Variants in DNAI7 observed in about 807,000 individuals in gnomAD.
The protein encoded by DNAI7 is cancer susceptibility 1.
A neutral mutation model predicts 86.6 loss-of-function variants in DNAI7; 78 were observed. The ratio of observed to expected loss-of-function variants is 0.90; its 90% CI spans 0.75 to 1.09. DNAI7 has a LOEUF of 1.09. Ranked by LOEUF, DNAI7 falls within the 50% of genes least tolerant of loss-of-function variation. DNAI7 has a pLI of 0.00. For missense variants in DNAI7, 753 were observed against 810.2 expected, an observed-to-expected ratio of 0.93 and a Z score of 0.86; for synonymous variants, 274 against 273.0, an observed-to-expected ratio of 1.00 and a Z score of -0.04.
chr12:25,137,636 T>C (rs1943696680), intron 9 of DNAI7, among the ~76,000 whole-genome samples: 1 of 152,160 alleles, frequency 6.6e-6, no homozygotes, highest in Non-Finnish European at 1.5e-5. Flanking sequence ...AAGAACCTGT[T>C]GTCTCCAAGA....
chr12:25,182,953 G>C (rs1949680245), intron 2 of DNAI7, among the ~76,000 whole-genome samples: 1 of 149,190 alleles, frequency 6.7e-6, no homozygotes, highest in African/African-American at 2.5e-5. Context: ...AAGGGAGGAA[G>C]GGAGGAAGGG....
chr12:25,114,233 T>G (rs571344521), intron 13 of DNAI7, among the ~76,000 whole-genome samples: 2 of 152,262 alleles, frequency 1.3e-5, no homozygotes, highest in South Asian at 4.1e-4. Context: ...GCCACTGCGC[T>G]CGGCCCAGGC....
chr12:25,194,810 G>A, intron 1 of DNAI7: 3 of 1,465,404 alleles, frequency 2.0e-6, no homozygotes, highest in East Asian at 4.5e-5. Flanking sequence ...TTCAAGCTTA[G>A]CAACATTCGA....
At chr12:25,174,590 TGGG>T (rs1565812739) in intron 2 of DNAI7, among the ~76,000 whole-genome samples, 8 of 107,034 alleles carry the variant, frequency 7.5e-5, no homozygotes, top group South Asian at 3.0e-4. Context: ...ATCATATATA[TGGG>T]ATATATATAT....
intron 2 of DNAI7, among the ~76,000 whole-genome samples, chr12:25,165,557 G>A (rs1947362778): frequency 6.6e-6 from 1 of 152,310 alleles, no homozygotes; most frequent in South Asian, 2.1e-4. Flanking sequence ...CAGAGCCCCT[G>A]GAACTCTGGC....
chr12:25,158,448 A>C, intron 4 of DNAI7, 24 bp downstream of exon 4: 3 of 1,554,490 alleles, frequency 1.9e-6, no homozygotes, highest in African/African-American at 2.7e-5. Context: ...GTATTCATTA[A>C]GAACATTATT....
rs1949692455 is a variant in DNAI7 at position 25,110,172 on chromosome 12, CCAA to C, written c.1845_1847del (p.Trp616del). ...AATTACATAGTAGGTTCCACTTGCTCCAACCAAATGCAAAAGCAGAACTTAGTA... is the reference window on the plus strand; with the variant it reads ...AATTACATAGTAGGTTCCACTTGCTCCCAAATGCAAAAGCAGAACTTAGTA... On this transcript the variant is annotated inframe_deletion, in exon 15 of 16. Coordinates refer to ENST00000395987, the MANE Select transcript of DNAI7 (RefSeq NM_018272.5). 1 of 1,612,646 alleles carries C rather than the reference CCAA, an allele frequency of 6.2e-7. No homozygotes were observed. Among genetic ancestry groups the C allele is most frequent in the Admixed American group, 1.7e-5 (1 of 59,994 alleles).
intron 12 of DNAI7, among the ~76,000 whole-genome samples, chr12:25,116,976 C>A (rs78801198): frequency 0.01 from 1,551 of 152,084 alleles, 34 homozygotes; most frequent in African/African-American, 0.034. Context: ...ACTCTGTCAC[C>A]CACCCTGAGT....
In DNAI7 at chr12:25,155,364, T is replaced by C; in HGVS notation, c.247A>G (p.Arg83Gly). Residue 83 changes from arginine (R) to glycine (G), a missense_variant, in exon 5 of 16, where the codon AGG becomes GGG. Arg to Gly is a moderately radical substitution (Grantham distance 125, BLOSUM62 -2). Transcript: ENST00000395987. ...AATTTCTCTGCTTCAGGAAAACACCTCTCTAATAAATAAAGTTCTTCAAGT... is the reference window on the plus strand; with the variant it reads ...AATTTCTCTGCTTCAGGAAAACACCCCTCTAATAAATAAAGTTCTTCAAGT... ...EELEELYLLE[R>G]CFPEAEKLKQ... The C allele has an allele frequency of 1.2e-6, 2 of 1,608,756 alleles. No homozygotes were observed. Among genetic ancestry groups the C allele is most frequent in the Non-Finnish European group, 1.7e-6 (2 of 1,176,700 alleles).
At chr12:25,188,673 C>CAAA (rs71065918) in intron 2 of DNAI7, among the ~76,000 whole-genome samples, 2 of 130,236 alleles carry the variant, frequency 1.5e-5, no homozygotes, top group African/African-American at 3.2e-5. Context: ...GACTCTGTCT[C>CAAA]AAAAAAAAAA....
chr12:25,126,184 CA>C (rs1234410397), intron 9 of DNAI7, among the ~76,000 whole-genome samples: 1 of 152,086 alleles, frequency 6.6e-6, no homozygotes, highest in Non-Finnish European at 1.5e-5. Flanking sequence ...TCCAAGTGGT[CA>C]GGTATAGCTG....
intron 4 of DNAI7, among the ~76,000 whole-genome samples, chr12:25,156,663 C>A (rs1289326234): frequency 6.6e-6 from 1 of 151,740 alleles, no homozygotes; most frequent in African/African-American, 2.4e-5. Context: ...ATCGCCTGAA[C>A]CTGGGACGTG....
intron 2 of DNAI7, among the ~76,000 whole-genome samples, chr12:25,169,870 A>G (rs887467762): frequency 6.6e-6 from 1 of 151,760 alleles, no homozygotes; most frequent in African/African-American, 2.4e-5. Flanking sequence ...AAAAAGAAAA[A>G]AAAGATACAG....
intron 9 of DNAI7, among the ~76,000 whole-genome samples, chr12:25,127,333 CA>C (rs954810265): frequency 1.1e-4 from 16 of 151,924 alleles, no homozygotes; most frequent in Admixed American, 2.6e-4. Flanking sequence ...GCAATGAAGC[CA>C]AAAAAATACT....
At position 25,108,318 on chromosome 12, in the gene DNAI7, G is replaced by GAATC; in HGVS notation, c.*226_*229dup. 1 of 539,540 alleles carries GAATC rather than the reference G, an allele frequency of 1.9e-6. No individual in the cohort carries two copies. Among genetic ancestry groups the GAATC allele is most frequent in the Non-Finnish European group, 3.1e-6 (1 of 317,630 alleles). 33.4% of individuals were successfully genotyped at this position (539,540 alleles called of 1,614,324 possible). On this transcript the variant is annotated 3_prime_UTR_variant, in exon 16 of 16. Transcript: ENST00000395987. ...GTTTGTTAAAGTTTATTGAAATAAA[G>GAATC]AATCATTTAAATCTTCATAGAGTGA...
At chr12:25,114,537 A>G (rs1939671661) in intron 13 of DNAI7, 119 bp downstream of exon 13, 1 of 637,166 alleles carries the variant, frequency 1.6e-6, no homozygotes. Flanking sequence ...GGTCATTATA[A>G]GACACTTATA....
rs77896922 is a variant in DNAI7 at position 25,109,614 on chromosome 12, G to C, written c.1893+513C>G. On this transcript the variant is annotated intron_variant, in intron 15 of 15. Coordinates refer to ENST00000395987, the MANE Select transcript of DNAI7 (RefSeq NM_018272.5). ...TACAAGGACTCTGGCCTGGCTTGAA[G>C]TCAAGAGCTTGGACAACAAAGGCAT... Among the ~76,000 whole-genome samples, 327 of 152,224 alleles carry C rather than the reference G, an allele frequency of 2.1e-3. 5 individuals are homozygous for C. The East Asian group carries it at 0.049, about 23-fold the overall frequency.
intron 2 of DNAI7, among the ~76,000 whole-genome samples, chr12:25,184,095 C>T (rs1047743869): frequency 2.6e-5 from 4 of 152,146 alleles, no homozygotes; most frequent in African/African-American, 9.7e-5. Context: ...TATTATCATG[C>T]ATGTTTTTAA....
chr12:25,183,651 G>A (rs1232514706), intron 2 of DNAI7, among the ~76,000 whole-genome samples: 1 of 151,220 alleles, frequency 6.6e-6, no homozygotes, highest in Middle Eastern at 3.2e-3. Flanking sequence ...TGTCCAGGCT[G>A]GTCTCAAACC....
Sources: gnomAD v4.1 joint callset for allele counts (sites outside exome capture counted in the v4.1 genomes callset) on GRCh38, gnomAD v4.1.1 for gene constraint, MANE v1.5 for transcripts, NCBI Gene and HGNC (gene_info 2026-07-23, HGNC 2026-07-21) for gene names.